Variants in SNX4 observed in about 807,000 individuals in gnomAD.
SNX4 encodes sorting nexin-4.
A neutral mutation model predicts 70.8 loss-of-function variants in SNX4; 49 were observed. The observed-to-expected ratio is 0.69, with a 90% CI of 0.55 to 0.88. The LOEUF (loss-of-function observed/expected upper bound fraction) is 0.88, where lower values mean the gene tolerates loss of function less well. Ranked by LOEUF, SNX4 falls within the 40% of genes least tolerant of loss-of-function variation. SNX4 has a pLI of 0.00. For missense variants in SNX4, 528 were observed against 544.8 expected, an observed-to-expected ratio of 0.97 and a Z score of 0.31; for synonymous variants, 206 against 183.8, an observed-to-expected ratio of 1.12 and a Z score of -0.98.
intron 13 of SNX4, among the ~76,000 whole-genome samples, chr3:125,448,217 A>G (rs1933477625): frequency 6.6e-6 from 1 of 150,680 alleles, no homozygotes; most frequent in African/African-American, 2.4e-5. Context: ...CTTGACCTCC[A>G]GGGCTCAAGG....
intron 13 of SNX4, among the ~76,000 whole-genome samples, chr3:125,448,271 C>T (rs1308587472): frequency 6.6e-6 from 1 of 151,168 alleles, no homozygotes; most frequent in Non-Finnish European, 1.5e-5. Flanking sequence ...ATCACAAGTG[C>T]ACGCCACCAC....
chr3:125,475,290 CA>C (rs1344507894), intron 8 of SNX4, among the ~76,000 whole-genome samples: 1 of 152,134 alleles, frequency 6.6e-6, no homozygotes, highest in East Asian at 1.9e-4. Context: ...ATAGCTGAAT[CA>C]AAAATTTATG....
At chr3:125,460,973 C>T (rs1933869439) in intron 9 of SNX4, 113 bp from the exon 10 acceptor site, 2 of 421,322 alleles carry the variant, frequency 4.7e-6, no homozygotes, top group African/African-American at 2.1e-5. Flanking sequence ...CACCTGTAAT[C>T]CCAGCACTTT....
chr3:125,457,572 CTTTTTTTTTTT>C (rs1005344428), intron 10 of SNX4, among the ~76,000 whole-genome samples: 17 of 110,418 alleles, frequency 1.5e-4, no homozygotes, highest in African/African-American at 5.7e-4. Context: ...TTCATATATT[CTTTTTTTTTTT>C]TTTTTTTTTT....
At chr3:125,458,159 G>C (rs1933772095) in intron 10 of SNX4, among the ~76,000 whole-genome samples, 1 of 145,782 alleles carries the variant, frequency 6.9e-6, no homozygotes, top group Non-Finnish European at 1.5e-5. Context: ...ATTTAGAAAT[G>C]TCTATTAGGT....
rs776056974 is a variant in SNX4 at position 125,447,840 on chromosome 3, T to C, written c.1306-14A>G. On this transcript the variant is annotated splice_polypyrimidine_tract_variant and intron_variant, in intron 13 of 13. Coordinates refer to ENST00000251775, the MANE Select transcript of SNX4 (RefSeq NM_003794.4). Reference sequence around the variant, plus strand: ...AACTTGAATTCCCTAAAAATAAAAATAAAAACTTTAAAATGTGAGTTTGGA... The same window carrying C: ...AACTTGAATTCCCTAAAAATAAAAACAAAAACTTTAAAATGTGAGTTTGGA... 9 of 1,544,016 alleles carry C rather than the reference T, an allele frequency of 5.8e-6. No homozygotes were observed. The highest frequency in any genetic ancestry group is 7.9e-6 in the Non-Finnish European group (9 of 1,134,316).
chr3:125,461,097 G>A (rs1246615253), intron 9 of SNX4, among the ~76,000 whole-genome samples: 2 of 152,140 alleles, frequency 1.3e-5, no homozygotes, highest in Non-Finnish European at 2.9e-5. Flanking sequence ...GTGGGGGCGG[G>A]TGCCTGTAAT....
Position 125,504,704 on chromosome 3 carries a change from C to G in SNX4, c.182G>C (p.Ser61Thr), listed in dbSNP as rs1020073740. ...NNFWLKKIEISVSEAEKRTGR... is the reference protein window; with the variant it reads ...NNFWLKKIEITVSEAEKRTGR... Reference sequence around the variant, plus strand: ...AGTTCGTTTTTCTGCTTCTGAAACACTGATTTCTATCTTCTTCAACCAAAA... The same window carrying G: ...AGTTCGTTTTTCTGCTTCTGAAACAGTGATTTCTATCTTCTTCAACCAAAA... Residue 61 changes from serine to threonine, a missense_variant, in exon 2 of 14, where the codon AGT becomes ACT. Physicochemically the swap from Ser to Thr is moderately conservative, Grantham distance 58 (BLOSUM62 1). Transcript: ENST00000251775. 1 of 1,613,894 alleles carries G rather than the reference C, an allele frequency of 6.2e-7. No individual in the cohort carries two copies.
rs540927432 is a variant in SNX4, at chr3:125,505,523, C to T, written c.142-779G>A. Among the ~76,000 whole-genome samples the T allele has an allele frequency of 3.3e-5, 5 of 152,322 alleles. No homozygotes were observed. The South Asian group carries it at 1.0e-3, about 32-fold the overall frequency. On this transcript the variant is annotated intron_variant, in intron 1 of 13. Transcript: ENST00000251775. Reference sequence around the variant, plus strand: ...ATTTCAGCTACCTATCCCTTAGTGCCTAGCAGGCAGCTGTGCAGCATTCCT... The same window carrying T: ...ATTTCAGCTACCTATCCCTTAGTGCTTAGCAGGCAGCTGTGCAGCATTCCT...
chr3:125,480,224 A>G, intron 7 of SNX4, 23 bp downstream of exon 7: 2 of 1,483,750 alleles, frequency 1.3e-6, no homozygotes, highest in Non-Finnish European at 1.8e-6. Flanking sequence ...ATGTGCATCA[A>G]AAAGCTTTTG....
chr3:125,481,509 C>A (rs902122645), intron 6 of SNX4, among the ~76,000 whole-genome samples: 1 of 148,894 alleles, frequency 6.7e-6, no homozygotes, highest in African/African-American at 2.5e-5. Context: ...AGTGCAATGG[C>A]GCAATCTTGG....
At chr3:125,454,004 A>C in intron 11 of SNX4, 49 bp from the exon 12 acceptor site, 2 of 1,467,752 alleles carry the variant, frequency 1.4e-6, no homozygotes, top group South Asian at 2.4e-5. Flanking sequence ...TGCGGCATAC[A>C]CATACACATA....
chr3:125,450,082 A>C (rs115583909), intron 13 of SNX4, among the ~76,000 whole-genome samples: 1 of 152,126 alleles, frequency 6.6e-6, no homozygotes, highest in Admixed American at 6.6e-5. Context: ...CCATTTCAAC[A>C]AAAAAAGAAG....
chr3:125,495,772 AAATTTTTT>A (rs1307001438), intron 5 of SNX4, among the ~76,000 whole-genome samples: 1 of 152,222 alleles, frequency 6.6e-6, no homozygotes, highest in Non-Finnish European at 1.5e-5. Flanking sequence ...TAGAATTTTT[AAATTTTTT>A]GTTATATAAA....
At chr3:125,481,077 A>G (rs2107546039) in intron 6 of SNX4, among the ~76,000 whole-genome samples, 1 of 152,290 alleles carries the variant, frequency 6.6e-6, no homozygotes, top group East Asian at 1.9e-4. Context: ...CCCCTTTTAT[A>G]GCCAAGCTTT....
chr3:125,505,389 G>C (rs1265813293), intron 1 of SNX4, among the ~76,000 whole-genome samples: 3 of 152,228 alleles, frequency 2.0e-5, no homozygotes, highest in Non-Finnish European at 4.4e-5. Context: ...GACGACAACT[G>C]CACTGGCAGA....
chr3:125,494,528 TAAG>T (rs906958675), intron 5 of SNX4, among the ~76,000 whole-genome samples: 3 of 152,262 alleles, frequency 2.0e-5, no homozygotes. Context: ...AATACTCAGA[TAAG>T]AAACTGTTTT....
At chr3:125,515,212 C>T (rs2107575281) in intron 1 of SNX4, among the ~76,000 whole-genome samples, 1 of 151,882 alleles carries the variant, frequency 6.6e-6, no homozygotes, top group East Asian at 1.9e-4. Flanking sequence ...ATTAGCCAGG[C>T]GTGGTGGCGT....
intron 10 of SNX4, among the ~76,000 whole-genome samples, chr3:125,459,963 C>T (rs7643107): frequency 0.038 from 5,736 of 151,646 alleles, 247 homozygotes; most frequent in African/African-American, 0.092. Flanking sequence ...GAGGCCGAGG[C>T]GGGTGGATTA....
Sources: allele counts gnomAD v4.1 joint callset (sites outside exome capture counted in the v4.1 genomes callset), GRCh38; gene constraint gnomAD v4.1.1; transcripts MANE v1.5; gene names NCBI Gene and HGNC (gene_info 2026-07-23, HGNC 2026-07-21).